TMEM117: variants seen among roughly 807,000 people sequenced by gnomAD.
The protein encoded by TMEM117 is transmembrane protein 117.
A neutral mutation model predicts 52.4 loss-of-function variants in TMEM117; 27 were observed. The ratio of observed to expected loss-of-function variants is 0.51; its 90% CI spans 0.38 to 0.71. The LOEUF is 0.71. Ranked by LOEUF, TMEM117 falls within the 30% of genes least tolerant of loss-of-function variation. TMEM117 has a pLI of 0.00. For synonymous variants in TMEM117, 215 were observed against 206.3 expected (o/e 1.04, Z -0.36); for missense variants, 556 against 630.5 (o/e 0.88, Z 1.26).
chr12:43,917,939 G>C (rs1408854226), intron 2 of TMEM117, among the ~76,000 whole-genome samples: 6 of 152,104 alleles, frequency 3.9e-5, no homozygotes, highest in African/African-American at 1.4e-4. Context: ...CTCTATTCCA[G>C]TCACTTGGTC....
intron 3 of TMEM117, among the ~76,000 whole-genome samples, chr12:43,973,249 G>A (rs919415787): frequency 6.6e-6 from 1 of 152,048 alleles, no homozygotes; most frequent in Non-Finnish European, 1.5e-5. Flanking sequence ...TTTATCTTAA[G>A]GCCTCTCATG....
intron 2 of TMEM117, among the ~76,000 whole-genome samples, chr12:43,935,237 G>A (rs1413055758): frequency 2.0e-5 from 3 of 152,042 alleles, no homozygotes; most frequent in Non-Finnish European, 2.9e-5. Flanking sequence ...TTTTTAGTTA[G>A]TGAATTTAAA....
At chr12:44,188,971 A>G (rs549835159) in intron 4 of TMEM117, among the ~76,000 whole-genome samples, 4 of 152,284 alleles carry the variant, frequency 2.6e-5, no homozygotes, top group Admixed American at 6.5e-5. Context: ...CAGGGTACAC[A>G]TGATAATTGG....
chr12:43,985,601 G>A (rs1032644914), intron 3 of TMEM117, among the ~76,000 whole-genome samples: 1 of 152,194 alleles, frequency 6.6e-6, no homozygotes, highest in Non-Finnish European at 1.5e-5. Context: ...AAATGTTTGT[G>A]TATGGAACAT....
At chr12:44,173,151 C>A (rs1949071916) in intron 4 of TMEM117, among the ~76,000 whole-genome samples, 1 of 152,236 alleles carries the variant, frequency 6.6e-6, no homozygotes, top group Admixed American at 6.5e-5. Flanking sequence ...TCTTGATTCA[C>A]TGCAACCTCT....
At position 44,230,838 on chromosome 12, in the gene TMEM117, T is replaced by C. The variant is rs549263360; in HGVS notation, c.608+19451T>C. Among the ~76,000 whole-genome samples, 5 of 152,156 alleles carry C rather than the reference T, an allele frequency of 3.3e-5. No homozygotes were observed. The South Asian group carries it at 8.3e-4, about 25-fold the overall frequency. On this transcript the variant is annotated intron_variant, in intron 5 of 7. Coordinates refer to ENST00000266534, the MANE Select transcript of TMEM117 (RefSeq NM_032256.3). ...CTCTAGAGATAATACATTTCTTTAA[T>C]TCCTAGATGGCTGAACATTGTCACT...
In TMEM117 at chr12:44,248,518, G is replaced by A. The variant is rs772499179; in HGVS notation, c.608+37131G>A. ...TGATGAGCCCCCAGGAAACACAGAG[G>A]CACCTCCAGTAGCCCTGGATGATGC... On this transcript the variant is annotated intron_variant, in intron 5 of 7. Transcript: ENST00000266534. 3.6e-4 allele frequency: 56 copies of A among 155,532 alleles called. 1 individual carries two copies. The highest frequency in any genetic ancestry group is 3.7e-4 in the Non-Finnish European group (26 of 69,680). 9.6% of individuals were successfully genotyped at this position (155,532 alleles called of 1,614,324 possible).
intron 6 of TMEM117, among the ~76,000 whole-genome samples, chr12:44,314,944 G>C (rs1400764701): frequency 1.3e-5 from 2 of 152,026 alleles, no homozygotes; most frequent in Non-Finnish European, 2.9e-5. Context: ...CTGGGTATTG[G>C]TATGTTCAAT....
chr12:43,955,581 C>CA (rs1264825509), intron 3 of TMEM117, among the ~76,000 whole-genome samples: 2 of 152,064 alleles, frequency 1.3e-5, no homozygotes, highest in African/African-American at 4.8e-5. Context: ...ATACAGCTAA[C>CA]AAGGGAAGTG....
chr12:44,383,990 G>A (rs544395339), intron 7 of TMEM117, among the ~76,000 whole-genome samples: 1 of 152,190 alleles, frequency 6.6e-6, no homozygotes, highest in African/African-American at 2.4e-5. Flanking sequence ...AACTTTTAGG[G>A]CTGGGAAGAA....
chr12:44,236,336 C>G (rs573498310), intron 5 of TMEM117, among the ~76,000 whole-genome samples: 3 of 152,164 alleles, frequency 2.0e-5, no homozygotes, highest in African/African-American at 7.2e-5. Context: ...TTTTGTCTCT[C>G]CATGCTATGC....
chr12:44,027,479 A>T (rs1946561316), intron 3 of TMEM117, among the ~76,000 whole-genome samples: 1 of 152,098 alleles, frequency 6.6e-6, no homozygotes, highest in African/African-American at 2.4e-5. Context: ...TGGCCTTCTT[A>T]GCCTTTATAA....
the TMEM117 span, chr12:43,806,168 C>G: frequency 6.5e-7 from 1 of 1,536,690 alleles, no homozygotes; most frequent in Non-Finnish European, 8.7e-7. Context: ...CCTCCCGGCT[C>G]TCCCGGCTCT....
intron 3 of TMEM117, among the ~76,000 whole-genome samples, chr12:44,015,871 T>C (rs1403977425): frequency 2.6e-5 from 4 of 152,166 alleles, no homozygotes; most frequent in Non-Finnish European, 4.4e-5. Context: ...CAAATAAGAC[T>C]ATACAACTCA....
chr12:43,803,789 GATTT>G, the TMEM117 span, among the ~76,000 whole-genome samples: 1 of 151,958 alleles, frequency 6.6e-6, no homozygotes, highest in Non-Finnish European at 1.5e-5. Flanking sequence ...AAACAAATTA[GATTT>G]ACTTCCAGTT....
intron 3 of TMEM117, among the ~76,000 whole-genome samples, chr12:44,130,245 A>C (rs775405707): frequency 1.2e-4 from 18 of 152,188 alleles, no homozygotes; most frequent in Non-Finnish European, 1.9e-4. Context: ...TTGTGGAGTA[A>C]ATTGTTATAA....
At chr12:44,240,534 C>A (rs1261531044) in intron 5 of TMEM117, among the ~76,000 whole-genome samples, 1 of 152,102 alleles carries the variant, frequency 6.6e-6, no homozygotes, top group Non-Finnish European at 1.5e-5. Context: ...TTACCCACGA[C>A]TTCTTCCCAG....
chr12:44,170,044 CA>C (rs1949022918), intron 4 of TMEM117, among the ~76,000 whole-genome samples: 1 of 151,976 alleles, frequency 6.6e-6, no homozygotes, highest in South Asian at 2.1e-4. Flanking sequence ...GGAACCAACC[CA>C]AATGCCCATC....
chr12:44,210,189 T>C (rs1423656798), intron 4 of TMEM117, among the ~76,000 whole-genome samples: 1 of 152,118 alleles, frequency 6.6e-6, no homozygotes, highest in African/African-American at 2.4e-5. Flanking sequence ...TTAATTAAAA[T>C]CATAAGTAAT....
Sources: gnomAD v4.1 joint callset for allele counts (sites outside exome capture counted in the v4.1 genomes callset) on GRCh38, gnomAD v4.1.1 for gene constraint, MANE v1.5 for transcripts, NCBI Gene and HGNC (gene_info 2026-07-23, HGNC 2026-07-21) for gene names.